EFHD2: variants seen among roughly 807,000 people sequenced by gnomAD.
EFHD2 encodes the protein EF-hand domain family member D2, also known as EF-hand domain-containing protein D2.
In EFHD2, 12 loss-of-function variants were observed where a neutral mutation model predicts 20.3. The ratio of observed to expected loss-of-function variants is 0.59; its 90% CI spans 0.38 to 0.96. The LOEUF is 0.96. Among genes scored for constraint, EFHD2 ranks in the 40% least tolerant of loss-of-function variants. The pLI, the probability that EFHD2 is intolerant of heterozygous loss-of-function variation, is 0.00. For synonymous variants in EFHD2, 131 were observed against 143.9 expected, an observed-to-expected ratio of 0.91 and a Z score of 0.64; for missense variants, 250 against 334.3, an observed-to-expected ratio of 0.75 and a Z score of 1.97.
intron 1 of EFHD2, among the ~76,000 whole-genome samples, chr1:15,412,657 C>T (rs978460037): frequency 1.3e-5 from 2 of 152,222 alleles, no homozygotes; most frequent in Admixed American, 6.5e-5. Context: ...GCTTCCCTGC[C>T]ACTGGCCACC....
In EFHD2 at chr1:15,426,267, A is replaced by G. The variant is rs1385845882; in HGVS notation, c.456+249A>G. ...ACAGCCCTTCCTTCACATAGGGAGCATATATTGAGCGATTTCTGTATACTT... is the reference window on the plus strand; with the variant it reads ...ACAGCCCTTCCTTCACATAGGGAGCGTATATTGAGCGATTTCTGTATACTT... On this transcript the variant is annotated intron_variant, in intron 2 of 3. Transcript: ENST00000375980. This position sits in a 1 kb window ranked among gnomAD's most constrained non-coding sequence, Gnocchi z 4.6. Among the ~76,000 whole-genome samples the G allele has an allele frequency of 1.3e-5, 2 of 152,194 alleles. No homozygotes were observed. Among genetic ancestry groups the G allele is most frequent in the African/African-American group, 2.4e-5 (1 of 41,448 alleles).
intron 1 of EFHD2, among the ~76,000 whole-genome samples, chr1:15,410,745 A>AC (rs1490721752): frequency 1.7e-5 from 1 of 58,228 alleles, no homozygotes; most frequent in Non-Finnish European, 3.7e-5. Flanking sequence ...CCCCACCCCC[A>AC]CCCCAACACA....
At chr1:15,417,427 G>C (rs945090064) in intron 1 of EFHD2, among the ~76,000 whole-genome samples, 1 of 152,168 alleles carries the variant, frequency 6.6e-6, no homozygotes, top group Non-Finnish European at 1.5e-5. Flanking sequence ...CCGTGGGTGC[G>C]GTGTGAGGTT....
At position 15,410,065 on chromosome 1, in the gene EFHD2, G is replaced by T; in HGVS notation, c.94G>T (p.Gly32Trp). ...GACCCCGGAGCAGCCCGGGCTGAAC[G>T]GGGCAGCGGCGGCGGCGGCGGGGGC... ...GETPEQPGLNGAAAAAAGAPD... is the reference protein window; with the variant it reads ...GETPEQPGLNWAAAAAAGAPD... The change falls in exon 1 of 4, where the codon GGG (glycine) becomes TGG (tryptophan). Residue 32 changes from glycine (G) to tryptophan (W), a missense_variant. Physicochemically the swap from Gly to Trp is radical, Grantham distance 184 (BLOSUM62 -2). This residue lies in a region of EFHD2 where 143 missense variants were observed against 190.6 expected (regional missense o/e 0.75). Coordinates refer to ENST00000375980, the MANE Select transcript of EFHD2 (RefSeq NM_024329.6). 1.5e-6 allele frequency: 2 copies of T among 1,360,604 alleles called. No individual in the cohort carries two copies. Among genetic ancestry groups the T allele is most frequent in the Non-Finnish European group, 1.9e-6 (2 of 1,061,318 alleles). The allele number at this position is 1,360,604 out of a possible 1,614,324, so 84.3% of individuals were successfully genotyped here.
At position 15,430,084 on chromosome 1, in the gene EFHD2, T is replaced by A. The variant is rs570443809; in HGVS notation, c.*1360T>A. ...TACGCGGACTTGCAGAGGTTTTATT[T>A]TTTGGCCTTAGAATCTGCAGAAATT... On this transcript the variant is annotated 3_prime_UTR_variant, in exon 4 of 4. Transcript: ENST00000375980. The A allele has an allele frequency of 3.9e-5, 6 of 152,786 alleles. No individual in the cohort carries two copies. The highest frequency in any genetic ancestry group is 1.4e-4 in the African/African-American group (6 of 41,580). 9.5% of individuals were successfully genotyped at this position (152,786 alleles called of 1,614,324 possible). A position where few individuals can be genotyped will look rare whatever the true frequency, so the allele number is the denominator to read the frequency against.
intron 1 of EFHD2, among the ~76,000 whole-genome samples, chr1:15,417,123 T>C (rs546345755): frequency 1.2e-3 from 179 of 152,296 alleles, no homozygotes; most frequent in Non-Finnish European, 2.0e-3. Flanking sequence ...TAATCCGCAC[T>C]GTAACCAGCT....
intron 1 of EFHD2, among the ~76,000 whole-genome samples, chr1:15,418,813 G>A (rs1707737522): frequency 6.6e-6 from 1 of 151,884 alleles, no homozygotes; most frequent in Non-Finnish European, 1.5e-5. Context: ...TAGCATAGTC[G>A]TTAAGAGTGC....
intron 1 of EFHD2, among the ~76,000 whole-genome samples, chr1:15,415,748 C>T (rs1707655515): frequency 6.6e-6 from 1 of 152,112 alleles, no homozygotes; most frequent in Non-Finnish European, 1.5e-5. Flanking sequence ...CCTCAGCCTC[C>T]CAAAGTGCTG....
At chr1:15,417,797 G>C (rs1325641956) in intron 1 of EFHD2, among the ~76,000 whole-genome samples, 2 of 152,110 alleles carry the variant, frequency 1.3e-5, no homozygotes, top group African/African-American at 4.8e-5. Context: ...TGTTCTCCTG[G>C]GACCTGCACG....
intron 1 of EFHD2, among the ~76,000 whole-genome samples, chr1:15,417,205 A>G (rs531268775): frequency 6.6e-6 from 1 of 152,204 alleles, no homozygotes; most frequent in African/African-American, 2.4e-5. Context: ...CCGTCTCCCC[A>G]CCACTTCCTG....
In EFHD2 at chr1:15,413,317, C is replaced by T. The variant is rs771482088; in HGVS notation, c.308+3038C>T. Among the ~76,000 whole-genome samples the T allele has an allele frequency of 2.6e-5, 4 of 152,102 alleles. No individual in the cohort carries two copies. Among genetic ancestry groups the T allele is most frequent in the African/African-American group, 4.8e-5 (2 of 41,406 alleles). ...CCAGCCTTTCCTTGGGGGCCAGGAG[C>T]GAGGAACCTGGGCTTCCATCCTAGT... On this transcript the variant is annotated intron_variant, in intron 1 of 3. Coordinates refer to ENST00000375980, the MANE Select transcript of EFHD2 (RefSeq NM_024329.6). This position sits in a 1 kb window ranked among gnomAD's most constrained non-coding sequence, Gnocchi z 4.4.
rs1032375595 is a variant in EFHD2 at position 15,413,113 on chromosome 1, G to A, written c.308+2834G>A. On this transcript the variant is annotated intron_variant, in intron 1 of 3. Transcript: ENST00000375980. This position sits in a 1 kb window ranked among gnomAD's most constrained non-coding sequence, Gnocchi z 4.4. ...GAAGACAAACCCCCGTTCTGCTTCC[G>A]CTGTCCGAGTGGGGCTGCAGCCTCC... 2.6e-5 allele frequency among the ~76,000 whole-genome samples: 4 copies of A among 152,336 alleles called. No individual in the cohort carries two copies. The highest frequency in any genetic ancestry group is 6.8e-3 in the Middle Eastern group (2 of 294).
chr1:15,427,147 C>T lies in EFHD2; in HGVS notation c.457-3C>T, dbSNP rs1707884510. Reference sequence around the variant, plus strand: ...ACACCGCGCGCCTCCCTCCCCGCTGCAGTTCCTCCTGATCTTCCGCAAGGC... The same window carrying T: ...ACACCGCGCGCCTCCCTCCCCGCTGTAGTTCCTCCTGATCTTCCGCAAGGC... On this transcript the variant is annotated splice_polypyrimidine_tract_variant and splice_region_variant and intron_variant, in intron 2 of 3. Transcript: ENST00000375980. The T allele has an allele frequency of 6.2e-7, 1 of 1,612,002 alleles. No individual in the cohort carries two copies. The highest frequency in any genetic ancestry group is 8.5e-7 in the Non-Finnish European group (1 of 1,179,214).
At chr1:15,416,697 G>A (rs1707677629) in intron 1 of EFHD2, among the ~76,000 whole-genome samples, 1 of 151,002 alleles carries the variant, frequency 6.6e-6, no homozygotes, top group Admixed American at 6.6e-5. Context: ...GGCCTCCCCG[G>A]CTCCAAGTCC....
At chr1:15,411,622 G>C (rs1237767035) in intron 1 of EFHD2, among the ~76,000 whole-genome samples, 6 of 152,176 alleles carry the variant, frequency 3.9e-5, no homozygotes, top group African/African-American at 1.2e-4. Context: ...CTCGTTCCAC[G>C]ATCTGGGTGC....
intron 1 of EFHD2, among the ~76,000 whole-genome samples, chr1:15,424,417 A>G (rs1284326250): frequency 6.6e-6 from 1 of 152,116 alleles, no homozygotes; most frequent in Non-Finnish European, 1.5e-5. Context: ...GACTCTTACT[A>G]CACAGAAGCC....
chr1:15,426,145 G>A lies in EFHD2; in HGVS notation c.456+127G>A. ...CATTGCCATTGAACAGCAGCTGTGA[G>A]CAGCTGCTGCTTGGCTGAGTGAGGC... On this transcript the variant is annotated intron_variant, in intron 2 of 3. Transcript: ENST00000375980. The surrounding 1 kb of genome is among the most constrained non-coding windows in gnomAD (Gnocchi z 4.6). The A allele has an allele frequency of 9.8e-7, 1 of 1,025,172 alleles. No individual in the cohort carries two copies. The highest frequency in any genetic ancestry group is 2.1e-5 in the South Asian group (1 of 48,744). 63.5% of individuals were successfully genotyped at this position (1,025,172 alleles called of 1,614,324 possible).
chr1:15,428,966 G>T lies in EFHD2; in HGVS notation c.*242G>T. 1 of 526,868 alleles carries T rather than the reference G, an allele frequency of 1.9e-6. No individual in the cohort carries two copies. Among genetic ancestry groups the T allele is most frequent in the South Asian group, 2.0e-5 (1 of 49,714 alleles). The allele number at this position is 526,868 out of a possible 1,614,324, so 32.6% of individuals were successfully genotyped here. A position where few individuals can be genotyped will look rare whatever the true frequency, so the allele number is the denominator to read the frequency against. On this transcript the variant is annotated 3_prime_UTR_variant, in exon 4 of 4. Transcript: ENST00000375980. ...TCCCTGCCCGGCCCGGCCCTCCCTG[G>T]CAATCCCTGGGCTCTCTTGCACCCC...
chr1:15,419,772 G>A (rs1209673198), intron 1 of EFHD2, among the ~76,000 whole-genome samples: 2 of 152,222 alleles, frequency 1.3e-5, no homozygotes, highest in African/African-American at 2.4e-5. Context: ...CTCTAGCCCA[G>A]GAGATGCCTG....
Sources: gnomAD v4.1 joint callset for allele counts (sites outside exome capture counted in the v4.1 genomes callset) on GRCh38, gnomAD v4.1.1 for gene constraint, gnomAD v4.1.1 regional missense constraint, Gnocchi (gnomAD v3.1) non-coding constraint, MANE v1.5 for transcripts, NCBI Gene and HGNC (gene_info 2026-07-23, HGNC 2026-07-21) for gene names.